KCNT2: variants seen among roughly 807,000 people sequenced by gnomAD.
The protein encoded by KCNT2 is potassium channel subfamily T member 2.
KCNT2 carries 67 observed loss-of-function variants against 153.8 expected under a neutral mutation model. That is an observed-to-expected ratio of 0.44 (90% confidence interval 0.36 to 0.53). The LOEUF (loss-of-function observed/expected upper bound fraction) is 0.53. KCNT2 is among the 20% of genes least tolerant of loss of function. The pLI is 0.00. For synonymous variants in KCNT2, 500 were observed against 458.8 expected (o/e 1.09, Z -1.15); for missense variants, 975 against 1,354.8 (o/e 0.72, Z 4.40).
intron 14 of KCNT2, among the ~76,000 whole-genome samples, chr1:196,355,388 G>T (rs1252172565): frequency 2.6e-5 from 4 of 151,672 alleles, no homozygotes; most frequent in Non-Finnish European, 5.9e-5. Flanking sequence ...TCTACCACCA[G>T]GTGGAACCGG....
intron 8 of KCNT2, among the ~76,000 whole-genome samples, chr1:196,430,431 T>G (rs1326252167): frequency 6.6e-6 from 1 of 151,938 alleles, no homozygotes; most frequent in Non-Finnish European, 1.5e-5. Flanking sequence ...TCTCTCTCTC[T>G]TTCTCTCTCT....
chr1:196,607,587 A>G (rs1215590422), intron 1 of KCNT2, among the ~76,000 whole-genome samples: 1 of 152,246 alleles, frequency 6.6e-6, no homozygotes, highest in Non-Finnish European at 1.5e-5. Flanking sequence ...ATCATTATTC[A>G]TAATGGTCAG....
intron 14 of KCNT2, among the ~76,000 whole-genome samples, chr1:196,366,782 C>T (rs1052610255): frequency 2.6e-5 from 4 of 152,042 alleles, no homozygotes; most frequent in Admixed American, 2.6e-4. Context: ...TAAAAACTCC[C>T]CAAGAGCAGA....
intron 1 of KCNT2, among the ~76,000 whole-genome samples, chr1:196,581,926 A>T (rs1662104238): frequency 6.6e-6 from 1 of 152,140 alleles, no homozygotes; most frequent in Non-Finnish European, 1.5e-5. Flanking sequence ...CTCTATGTTC[A>T]CATTTCAGGA....
chr1:196,582,248 T>C (rs1003284148), intron 1 of KCNT2, among the ~76,000 whole-genome samples: 10 of 152,146 alleles, frequency 6.6e-5, no homozygotes, highest in Non-Finnish European at 1.3e-4. Context: ...ATTACTTAAC[T>C]TCTCTATGCC....
At chr1:196,294,287 TG>T (rs1482753114) in intron 22 of KCNT2, among the ~76,000 whole-genome samples, 2 of 152,172 alleles carry the variant, frequency 1.3e-5, no homozygotes, top group African/African-American at 2.4e-5. Context: ...TTTGTTTTTT[TG>T]TTTTTTGAGA....
intron 1 of KCNT2, among the ~76,000 whole-genome samples, chr1:196,535,798 C>G (rs1056074983): frequency 6.6e-6 from 1 of 152,218 alleles, no homozygotes; most frequent in Non-Finnish European, 1.5e-5. Flanking sequence ...GTAATTACAT[C>G]TTTTACAGAC....
chr1:196,537,966 G>A (rs2148865217), intron 1 of KCNT2, among the ~76,000 whole-genome samples: 1 of 152,202 alleles, frequency 6.6e-6, no homozygotes, highest in Middle Eastern at 3.4e-3. Context: ...CAGGTGCCCT[G>A]CCTGCACCTG....
At chr1:196,361,375 G>A (rs111253408) in intron 14 of KCNT2, among the ~76,000 whole-genome samples, 4 of 152,042 alleles carry the variant, frequency 2.6e-5, no homozygotes, top group African/African-American at 9.7e-5. Context: ...ACACCAGAAT[G>A]ATGCAATTAG....
chr1:196,335,672 G>T (rs934919995), intron 16 of KCNT2, among the ~76,000 whole-genome samples: 1 of 152,042 alleles, frequency 6.6e-6, no homozygotes, highest in Non-Finnish European at 1.5e-5. Context: ...ATAATAACAT[G>T]AACTGAAGAA....
intron 8 of KCNT2, among the ~76,000 whole-genome samples, chr1:196,451,401 CA>C: frequency 8.1e-6 from 1 of 123,492 alleles, no homozygotes; most frequent in Admixed American, 1.0e-4. Flanking sequence ...CTACCACACC[CA>C]ACACATTTTT....
At chr1:196,505,982 G>T (rs1157790639) in intron 1 of KCNT2, among the ~76,000 whole-genome samples, 2 of 152,178 alleles carry the variant, frequency 1.3e-5, no homozygotes, top group African/African-American at 4.8e-5. Context: ...GGAGATTTTG[G>T]GCTGAGACAA....
chr1:196,339,660 G>A lies in KCNT2; in HGVS notation c.1783+681C>T, dbSNP rs533441499. Among the ~76,000 whole-genome samples the A allele has an allele frequency of 9.9e-5, 15 of 152,046 alleles. No homozygotes were observed. The South Asian group carries it at 3.1e-3, about 32-fold the overall frequency. On this transcript the variant is annotated intron_variant, in intron 16 of 27. Coordinates refer to ENST00000294725, the MANE Select transcript of KCNT2 (RefSeq NM_198503.5). Reference sequence around the variant, plus strand: ...AGTCTCTGAGGAGGAACAAGGGCATGGTTCCTGGAATAAATGAATGTATCA... The same window carrying A: ...AGTCTCTGAGGAGGAACAAGGGCATAGTTCCTGGAATAAATGAATGTATCA...
chr1:196,326,357 A>AC (rs1553284235), intron 19 of KCNT2, among the ~76,000 whole-genome samples: 1 of 151,944 alleles, frequency 6.6e-6, no homozygotes, highest in Non-Finnish European at 1.5e-5. Flanking sequence ...CTTTAGAAAG[A>AC]CAAAAAAAAA....
intron 12 of KCNT2, among the ~76,000 whole-genome samples, chr1:196,413,203 G>A (rs1205586941): frequency 6.6e-6 from 1 of 151,436 alleles, no homozygotes; most frequent in African/African-American, 2.4e-5. Context: ...TTATCAACAT[G>A]GGGACAAGTT....
chr1:196,530,948 G>A (rs1368368916), intron 1 of KCNT2, among the ~76,000 whole-genome samples: 2 of 152,030 alleles, frequency 1.3e-5, no homozygotes, highest in Non-Finnish European at 2.9e-5. Flanking sequence ...TTTGGCCCCT[G>A]ACAACTTCCC....
chr1:196,337,986 A>C (rs1263250083), intron 16 of KCNT2, among the ~76,000 whole-genome samples: 1 of 152,124 alleles, frequency 6.6e-6, no homozygotes, highest in Non-Finnish European at 1.5e-5. Flanking sequence ...TTCTTGGTAC[A>C]TATTAGGTAC....
intron 1 of KCNT2, among the ~76,000 whole-genome samples, chr1:196,515,395 A>G (rs1681966015): frequency 6.6e-6 from 1 of 152,218 alleles, no homozygotes; most frequent in African/African-American, 2.4e-5. Flanking sequence ...AATAGCATGC[A>G]AACTTGCTTA....
intron 3 of KCNT2, among the ~76,000 whole-genome samples, chr1:196,485,339 T>C (rs1679337570): frequency 6.6e-6 from 1 of 151,936 alleles, no homozygotes; most frequent in African/African-American, 2.4e-5. Context: ...AAAATAATAA[T>C]AAAGTTAGTT....
Sources: gnomAD v4.1 joint callset for allele counts (sites outside exome capture counted in the v4.1 genomes callset) on GRCh38, gnomAD v4.1.1 for gene constraint, MANE v1.5 for transcripts, NCBI Gene and HGNC (gene_info 2026-07-23, HGNC 2026-07-21) for gene names.